Variants in COPZ1 observed in about 807,000 individuals in gnomAD.
COPZ1 encodes the protein coatomer subunit zeta-1.
A neutral mutation model predicts 31.7 loss-of-function variants in COPZ1; 4 were observed. That is an observed-to-expected ratio of 0.13 (90% confidence interval 0.06 to 0.29). COPZ1 has a LOEUF of 0.29. Among genes scored for constraint, COPZ1 ranks in the 10% least tolerant of loss-of-function variants. COPZ1 has a pLI of 1.00. For synonymous variants in COPZ1, 74 were observed against 79.0 expected (o/e 0.94, Z 0.33); for missense variants, 156 against 211.5 (o/e 0.74, Z 1.63).
chr12:54,342,525 C>T (rs907444308), intron 3 of COPZ1: 2 of 531,700 alleles, frequency 3.8e-6, no homozygotes, highest in Non-Finnish European at 6.8e-6. Context: ...TTATGAGCCT[C>T]ACTTGACAAA....
intron 1 of COPZ1, among the ~76,000 whole-genome samples, chr12:54,327,902 A>G (rs939193702): frequency 1.3e-5 from 2 of 148,324 alleles, no homozygotes; most frequent in Non-Finnish European, 2.9e-5. Flanking sequence ...TAAAGGAATG[A>G]GGAAGATAAT....
chr12:54,341,101 T>C (rs1416828546), intron 2 of COPZ1, among the ~76,000 whole-genome samples: 1 of 152,186 alleles, frequency 6.6e-6, no homozygotes, highest in Non-Finnish European at 1.5e-5. Flanking sequence ...TTTGACCTCC[T>C]TTGTTGTCAG....
intron 3 of COPZ1, 30 bp from the exon 4 acceptor site, chr12:54,343,195 C>T: frequency 1.3e-6 from 2 of 1,552,996 alleles, no homozygotes; most frequent in Non-Finnish European, 1.8e-6. Flanking sequence ...CTCAAGCCAC[C>T]CACTATTTTT....
At chr12:54,326,640 G>GGTGTGTGTGTGT (rs71070816) in intron 1 of COPZ1, among the ~76,000 whole-genome samples, 8 of 134,592 alleles carry the variant, frequency 5.9e-5, no homozygotes, top group African/African-American at 1.5e-4. Flanking sequence ...GATTTGGAGG[G>GGTGTGTGTGTGT]GTGTGTGTGT....
At chr12:54,333,155 T>C (rs1408000884) in intron 1 of COPZ1, among the ~76,000 whole-genome samples, 1 of 152,174 alleles carries the variant, frequency 6.6e-6, no homozygotes, top group Non-Finnish European at 1.5e-5. Context: ...GCAATTCTCA[T>C]GCCTCAGCCT....
At chr12:54,336,706 G>A (rs1364109858) in intron 1 of COPZ1, among the ~76,000 whole-genome samples, 2 of 151,198 alleles carry the variant, frequency 1.3e-5, no homozygotes, top group Non-Finnish European at 2.9e-5. Context: ...TGGAGATGTT[G>A]ATGCTTTTCA....
intron 1 of COPZ1, among the ~76,000 whole-genome samples, chr12:54,332,012 A>G (rs928264945): frequency 4.3e-4 from 66 of 152,252 alleles, no homozygotes; most frequent in Admixed American, 1.4e-3. Flanking sequence ...ATTAGGGACT[A>G]TGTGACCCCT....
At chr12:54,339,880 A>AGTG (rs527401874) in intron 1 of COPZ1, among the ~76,000 whole-genome samples, 386 of 152,106 alleles carry the variant, frequency 2.5e-3, no homozygotes, top group Non-Finnish European at 4.1e-3. Flanking sequence ...TTGGAAGTTA[A>AGTG]GTGGTAGTGG....
At chr12:54,336,785 AG>A in intron 1 of COPZ1, among the ~76,000 whole-genome samples, 2 of 152,076 alleles carry the variant, frequency 1.3e-5, no homozygotes, top group South Asian at 4.2e-4. Context: ...GCACTTTGGG[AG>A]GCCGAGGCAG....
At chr12:54,328,238 T>TGC in intron 1 of COPZ1, among the ~76,000 whole-genome samples, 1 of 141,874 alleles carries the variant, frequency 7.0e-6, no homozygotes, top group South Asian at 2.4e-4. Flanking sequence ...ATCGCGCCAC[T>TGC]GCACTCCAGC....
chr12:54,337,012 A>ACT (rs59761210), intron 1 of COPZ1, among the ~76,000 whole-genome samples: 14,237 of 124,456 alleles, frequency 0.11, 1,000 homozygotes, highest in East Asian at 0.23. Flanking sequence ...ACAGAGAGAG[A>ACT]CTGTCGCAAA....
At position 54,340,605 on chromosome 12, in the gene COPZ1, T is replaced by C; in HGVS notation, c.77T>C (p.Leu26Pro). 6.2e-7 allele frequency: 1 copy of C among 1,613,752 alleles called. No individual in the cohort carries two copies. The highest frequency in any genetic ancestry group is 8.5e-7 in the Non-Finnish European group (1 of 1,179,890). The change falls in exon 2 of 9, where the codon CTT becomes CCT. Residue 26 changes from leucine to proline, a missense_variant. Coordinates refer to ENST00000262061, the MANE Select transcript of COPZ1 (RefSeq NM_016057.3). ...ATTCTGGACAATGATGGAGATCGAC[T>C]TTTTGCCAAGGTGAGATTCCCTTTC... ...ILILDNDGDR[L>P]FAKYYDDTYP... is the part of the protein sequence containing the mutation.
At chr12:54,325,812 CTTTTTTTTTTT>C (rs892843887) in intron 1 of COPZ1, 2 of 120,498 alleles carry the variant, frequency 1.7e-5, no homozygotes, top group Non-Finnish European at 3.5e-5. Flanking sequence ...CTTAGGAATT[CTTTTTTTTTTT>C]TTTTTTTTTT....
chr12:54,333,329 G>GA (rs1212145269), intron 1 of COPZ1, among the ~76,000 whole-genome samples: 1 of 152,064 alleles, frequency 6.6e-6, no homozygotes, highest in Non-Finnish European at 1.5e-5. Flanking sequence ...ATTACAGGTA[G>GA]GAACCAGCAT....
At chr12:54,345,722 C>T (rs1366846030) in intron 5 of COPZ1, among the ~76,000 whole-genome samples, 1 of 152,010 alleles carries the variant, frequency 6.6e-6, no homozygotes, top group Non-Finnish European at 1.5e-5. Context: ...CTTTGGGAGG[C>T]CAAGGCGGGC....
chr12:54,343,739 C>T (rs1954012672), intron 4 of COPZ1, among the ~76,000 whole-genome samples: 1 of 152,106 alleles, frequency 6.6e-6, no homozygotes, highest in Non-Finnish European at 1.5e-5. Context: ...TGGGTATAGT[C>T]CTAACCTGCT....
intron 4 of COPZ1, among the ~76,000 whole-genome samples, chr12:54,343,918 A>G (rs2137107522): frequency 6.6e-6 from 1 of 152,360 alleles, no homozygotes; most frequent in East Asian, 1.9e-4. Context: ...TTGTTATTTA[A>G]ACCTCATAGC....
At chr12:54,336,832 G>T (rs760609584) in intron 1 of COPZ1, among the ~76,000 whole-genome samples, 2 of 151,770 alleles carry the variant, frequency 1.3e-5, no homozygotes, top group African/African-American at 4.8e-5. Flanking sequence ...GACCAGCCTG[G>T]CCAATTTGGT....
At chr12:54,349,963 T>C in intron 8 of COPZ1, 6 of 593,162 alleles carry the variant, frequency 1.0e-5, no homozygotes, top group Non-Finnish European at 1.8e-5. Flanking sequence ...CTTAAGCAGA[T>C]GGTCTGTGTG....
Sources: allele counts gnomAD v4.1 joint callset (sites outside exome capture counted in the v4.1 genomes callset), GRCh38; gene constraint gnomAD v4.1.1; transcripts MANE v1.5; gene names NCBI Gene and HGNC (gene_info 2026-07-23, HGNC 2026-07-21).